The following SUPT3H variants were observed in gnomAD, a reference collection of about 807,000 sequenced individuals.
The protein encoded by SUPT3H is transcription initiation protein SPT3 homolog.
SUPT3H carries 44 observed loss-of-function variants against 44.3 expected under a neutral mutation model. The observed-to-expected ratio is 0.99, with a 90% CI of 0.78 to 1.28. The LOEUF is 1.28. Among genes scored for constraint, SUPT3H ranks in the 50% most tolerant of loss-of-function variants. The pLI, the probability that SUPT3H is intolerant of heterozygous loss-of-function variation, is 0.00. For missense variants in SUPT3H, 380 were observed against 387.1 expected (o/e 0.98, Z 0.15); for synonymous variants, 124 against 125.6 (o/e 0.99, Z 0.09).
At chr6:45,248,417 T>C (rs1280308081) in intron 2 of SUPT3H, among the ~76,000 whole-genome samples, 3 of 151,814 alleles carry the variant, frequency 2.0e-5, no homozygotes, top group Middle Eastern at 3.2e-3. Flanking sequence ...AGAAAAATTA[T>C]CCAGTAAATA....
intron 6 of SUPT3H, among the ~76,000 whole-genome samples, chr6:44,986,177 T>C (rs1256670018): frequency 1.3e-5 from 2 of 152,112 alleles, no homozygotes; most frequent in African/African-American, 2.4e-5. Context: ...AAGACCAGAA[T>C]GGAAGAAATA....
chr6:44,857,765 G>A (rs920201034), intron 10 of SUPT3H, among the ~76,000 whole-genome samples: 1 of 152,136 alleles, frequency 6.6e-6, no homozygotes, highest in East Asian at 1.9e-4. Context: ...AGCAACTCTC[G>A]AACTATTCAA....
At chr6:44,979,843 T>G (rs1241738495) in intron 6 of SUPT3H, among the ~76,000 whole-genome samples, 1 of 152,202 alleles carries the variant, frequency 6.6e-6, no homozygotes, top group Non-Finnish European at 1.5e-5. Flanking sequence ...TCAAACAGAT[T>G]GGAATTATTA....
intron 2 of SUPT3H, among the ~76,000 whole-genome samples, chr6:45,283,313 C>T (rs1278336084): frequency 2.0e-5 from 3 of 152,032 alleles, no homozygotes; most frequent in Non-Finnish European, 4.4e-5. Flanking sequence ...AAGTCAAGAC[C>T]CATCAGTGTG....
intron 2 of SUPT3H, among the ~76,000 whole-genome samples, chr6:45,271,197 C>A (rs1188235015): frequency 6.6e-6 from 1 of 152,176 alleles, no homozygotes; most frequent in East Asian, 1.9e-4. Flanking sequence ...TTCAAGCCAG[C>A]TGCAGAAATT....
At chr6:44,867,429 T>C (rs1775688407) in intron 10 of SUPT3H, among the ~76,000 whole-genome samples, 1 of 152,170 alleles carries the variant, frequency 6.6e-6, no homozygotes, top group Non-Finnish European at 1.5e-5. Context: ...CATGTCACAA[T>C]AAAGGGCTAC....
chr6:45,047,666 C>T (rs1018781585), intron 3 of SUPT3H, among the ~76,000 whole-genome samples: 1 of 152,046 alleles, frequency 6.6e-6, no homozygotes, highest in African/African-American at 2.4e-5. Context: ...TAAGGAAAAT[C>T]CATACTATTT....
intron 3 of SUPT3H, among the ~76,000 whole-genome samples, chr6:45,054,446 T>G (rs1173780795): frequency 1.3e-5 from 2 of 152,204 alleles, no homozygotes; most frequent in African/African-American, 4.8e-5. Context: ...AAATGTCCAC[T>G]CTTCATTTAA....
intron 2 of SUPT3H, among the ~76,000 whole-genome samples, chr6:45,285,833 G>A (rs1584707692): frequency 6.6e-6 from 1 of 152,132 alleles, no homozygotes; most frequent in East Asian, 1.9e-4. Flanking sequence ...CACACTACCT[G>A]ACTTCAAACT....
chr6:45,181,952 T>C (rs1813325974), intron 2 of SUPT3H, among the ~76,000 whole-genome samples: 1 of 152,016 alleles, frequency 6.6e-6, no homozygotes, highest in Admixed American at 6.5e-5. Context: ...GCTAAGTAAA[T>C]TTATGCTTTG....
chr6:45,288,867 A>G (rs1341585354), intron 2 of SUPT3H, among the ~76,000 whole-genome samples: 1 of 151,938 alleles, frequency 6.6e-6, no homozygotes, highest in Non-Finnish European at 1.5e-5. Flanking sequence ...CCATTGATCC[A>G]TCTTTCCACT....
intron 10 of SUPT3H, among the ~76,000 whole-genome samples, chr6:44,907,322 G>A (rs1766267453): frequency 6.6e-6 from 1 of 152,128 alleles, no homozygotes; most frequent in South Asian, 2.1e-4. Context: ...ATATTTGACT[G>A]TATTAGCATT....
At chr6:45,168,067 T>C (rs1488265229) in intron 2 of SUPT3H, among the ~76,000 whole-genome samples, 4 of 152,154 alleles carry the variant, frequency 2.6e-5, no homozygotes, top group Admixed American at 1.3e-4. Context: ...CACCTCGGCC[T>C]CCCAAAGTGC....
intron 2 of SUPT3H, among the ~76,000 whole-genome samples, chr6:45,198,913 A>G (rs183972559): frequency 4.0e-5 from 6 of 151,478 alleles, no homozygotes; most frequent in Non-Finnish European, 4.5e-5. Flanking sequence ...AAGGATATAG[A>G]AAAATGCAAC....
intron 9 of SUPT3H, among the ~76,000 whole-genome samples, chr6:44,943,726 G>T (rs1407562787): frequency 6.6e-6 from 1 of 151,956 alleles, no homozygotes; most frequent in Non-Finnish European, 1.5e-5. Flanking sequence ...AGAAAAAAGT[G>T]GAATGACATC....
rs1200670237 is a variant in SUPT3H, at chr6:44,953,309, C to G, written c.801+1G>C. The G allele has an allele frequency of 4.3e-6, 7 of 1,612,818 alleles. No homozygotes were observed. The highest frequency in any genetic ancestry group is 5.9e-6 in the Non-Finnish European group (7 of 1,179,142). On this transcript the variant is annotated splice_donor_variant, in intron 9 of 10. Transcript: ENST00000371459. LOFTEE classifies it high-confidence loss of function. ...TTAAGACAGATTTTTTTTGTACTTA[C>G]CTCAGCAGAGTTGTGATACTGAATG...
chr6:45,295,542 A>C (rs1028548083), intron 2 of SUPT3H, among the ~76,000 whole-genome samples: 21 of 148,552 alleles, frequency 1.4e-4, no homozygotes, highest in South Asian at 4.3e-4. Context: ...AAAAAAAAAA[A>C]AAAAAAAAAA....
chr6:45,100,659 C>T (rs527376803), intron 3 of SUPT3H, among the ~76,000 whole-genome samples: 1 of 150,794 alleles, frequency 6.6e-6, no homozygotes, highest in East Asian at 2.0e-4. Flanking sequence ...AATCACCTCA[C>T]CCTAATTATT....
chr6:44,928,882 C>CAAAATAAATAAA (rs1491206167), intron 10 of SUPT3H, among the ~76,000 whole-genome samples: 6 of 20,632 alleles, frequency 2.9e-4, no homozygotes, highest in African/African-American at 1.3e-3. Context: ...GACTCCGTCT[C>CAAAATAAATAAA]AAAAAAAAAA....
Sources: allele counts gnomAD v4.1 joint callset (sites outside exome capture counted in the v4.1 genomes callset), GRCh38; gene constraint gnomAD v4.1.1; transcripts MANE v1.5; gene names NCBI Gene and HGNC (gene_info 2026-07-23, HGNC 2026-07-21).